The following DSCAML1 variants were observed in gnomAD, a reference collection of about 807,000 sequenced individuals.
DSCAML1 encodes cell adhesion molecule DSCAML1.
A neutral mutation model predicts 200.5 loss-of-function variants in DSCAML1; 38 were observed. That is an observed-to-expected ratio of 0.19 (90% confidence interval 0.15 to 0.25). The LOEUF (loss-of-function observed/expected upper bound fraction) is 0.25, where lower values mean the gene tolerates loss of function less well. DSCAML1 is among the 10% of genes least tolerant of loss of function. DSCAML1 has a pLI of 1.00. For synonymous variants in DSCAML1, 1,215 were observed against 1,165.0 expected (o/e 1.04, Z -0.87); for missense variants, 2,223 against 2,858.8 (o/e 0.78, Z 5.07).
At chr11:117,533,286 G>A (rs1021098739) in intron 3 of DSCAML1, among the ~76,000 whole-genome samples, 23 of 152,164 alleles carry the variant, frequency 1.5e-4, no homozygotes, top group African/African-American at 5.5e-4. Context: ...ACAACTGTTC[G>A]AGATGCTAAC....
intron 3 of DSCAML1, among the ~76,000 whole-genome samples, chr11:117,621,220 A>C (rs973897453): frequency 1.3e-5 from 2 of 152,344 alleles, no homozygotes; most frequent in East Asian, 3.9e-4. Context: ...CAGGCATGTT[A>C]CTTAAAATAT....
At position 117,498,763 on chromosome 11, in the gene DSCAML1, C is replaced by G. The variant is rs984551971; in HGVS notation, c.2359+5082G>C. 1.3e-5 allele frequency among the ~76,000 whole-genome samples: 2 copies of G among 152,182 alleles called. No homozygotes were observed. Among genetic ancestry groups the G allele is most frequent in the Non-Finnish European group, 2.9e-5 (2 of 68,028 alleles). ...CACGAGAGTTTGGCCCCAAGCTCCC[C>G]GCTCCTGATGTTGTGGCTGCGCAGC... is the stretch of plus-strand genomic sequence containing the variant. On this transcript the variant is annotated intron_variant, in intron 11 of 32. Transcript: ENST00000651296. This position sits in a 1 kb window ranked among gnomAD's most constrained non-coding sequence, Gnocchi z 4.0.
In DSCAML1 at chr11:117,498,526, C is replaced by T. The variant is rs1219149938; in HGVS notation, c.2359+5319G>A. The stretch of plus-strand genomic sequence containing the variant: ...GTGGAAGGGGTGGGGGCCCCAGTCC[C>T]CCAGGTCTCAGGGAGGTGCTGCTTC... On this transcript the variant is annotated intron_variant, in intron 11 of 32. Transcript: ENST00000651296. The surrounding 1 kb of genome is among the most constrained non-coding windows in gnomAD (Gnocchi z 4.0). 1.3e-5 allele frequency among the ~76,000 whole-genome samples: 2 copies of T among 152,296 alleles called. No homozygotes were observed. The highest frequency in any genetic ancestry group is 2.1e-4 in the South Asian group (1 of 4,820).
At chr11:117,582,852 T>C (rs1319156472) in intron 3 of DSCAML1, among the ~76,000 whole-genome samples, 1 of 152,022 alleles carries the variant, frequency 6.6e-6, no homozygotes, top group Admixed American at 6.6e-5. Context: ...GAAGCCTGAG[T>C]GGGAGAAACA....
intron 4 of DSCAML1, among the ~76,000 whole-genome samples, chr11:117,530,222 G>T (rs1391050451): frequency 6.6e-6 from 1 of 152,088 alleles, no homozygotes; most frequent in Non-Finnish European, 1.5e-5. Context: ...ATGGCCTCCA[G>T]TTCAAAGAAT....
chr11:117,620,974 G>A (rs931177511), intron 3 of DSCAML1, among the ~76,000 whole-genome samples: 2 of 152,196 alleles, frequency 1.3e-5, no homozygotes, highest in Non-Finnish European at 2.9e-5. Context: ...CTTAATACAC[G>A]ACAGTTCACT....
intron 3 of DSCAML1, among the ~76,000 whole-genome samples, chr11:117,765,383 C>A (rs957403110): frequency 2.6e-5 from 4 of 152,182 alleles, no homozygotes; most frequent in Admixed American, 6.5e-5. Flanking sequence ...TTAAGGGCGT[C>A]CCTGCCTCTC....
chr11:117,816,731 G>T (rs1454494981), intron 1 of DSCAML1, among the ~76,000 whole-genome samples: 7 of 151,218 alleles, frequency 4.6e-5, no homozygotes, highest in African/African-American at 1.5e-4. Context: ...AGCGCCAGTG[G>T]AGACGCTCAG....
Position 117,505,508 on chromosome 11 carries a change from T to C in DSCAML1, c.2008A>G (p.Ile670Val). ...ACGGTGGCGGCTGCGTTGCTGGCGA[T>C]GCATGTATAGTTGCCGTTGTGCTTG... is the stretch of plus-strand genomic sequence containing the variant. Reference protein sequence around the residue: ...SLKHNGNYTCIASNAAATVSR... With the variant: ...SLKHNGNYTCVASNAAATVSR... Residue 670 changes from isoleucine to valine, a missense_variant, in exon 9 of 33, where the codon ATC (isoleucine) becomes GTC (valine). By Grantham distance (29) the Ile-to-Val change is conservative. Transcript: ENST00000651296. This position sits in a 1 kb window ranked among gnomAD's most constrained non-coding sequence, Gnocchi z 6.7. The C allele has an allele frequency of 1.2e-6, 2 of 1,613,198 alleles. No homozygotes were observed. Among genetic ancestry groups the C allele is most frequent in the Non-Finnish European group, 1.7e-6 (2 of 1,179,994 alleles).
chr11:117,481,982 T>C lies in DSCAML1; in HGVS notation c.2540A>G (p.Glu847Gly), dbSNP rs1487415489. 1 of 1,614,092 alleles carries C rather than the reference T, an allele frequency of 6.2e-7. No homozygotes were observed. Among genetic ancestry groups the C allele is most frequent in the Non-Finnish European group, 8.5e-7 (1 of 1,179,998 alleles). The change falls in exon 12 of 33, where the codon GAG becomes GGG. Residue 847 changes from glutamate to glycine, a missense_variant. By Grantham distance (98) the Glu-to-Gly change is moderately conservative. Transcript: ENST00000651296. ...GCTCACCTTCAGTGTGGAGACGACCTCGTCGCCGTTGTCCTTGGTGGCGAT... is the reference window on the plus strand; with the variant it reads ...GCTCACCTTCAGTGTGGAGACGACCCCGTCGCCGTTGTCCTTGGTGGCGAT... Reference protein sequence around the residue: ...YAIATKDNGDEVVSTLKLKPA... With the variant: ...YAIATKDNGDGVVSTLKLKPA...
intron 2 of DSCAML1, among the ~76,000 whole-genome samples, chr11:117,779,507 A>T (rs148435108): frequency 2.6e-4 from 40 of 152,310 alleles, no homozygotes; most frequent in Admixed American, 5.9e-4. Context: ...GCCTTTTCTC[A>T]TGAGATATGT....
chr11:117,782,842 A>G (rs1441427027), intron 1 of DSCAML1, among the ~76,000 whole-genome samples: 1 of 152,156 alleles, frequency 6.6e-6, no homozygotes, highest in African/African-American at 2.4e-5. Context: ...GACAGGTACT[A>G]TTAGTATCCC....
rs778198275 is a variant in DSCAML1 at position 117,465,113 on chromosome 11, C to T, written c.3094G>A (p.Gly1032Ser). 3.0e-5 allele frequency: 48 copies of T among 1,613,956 alleles called. No homozygotes were observed. Among genetic ancestry groups the T allele is most frequent in the Admixed American group, 5.0e-5 (3 of 59,988 alleles). ...ACGATGCTGTACTGCCCGTTGCTGC[C>T]GGGGCTGTTCTCTCTGTAGCCAATC... The part of the protein sequence containing the change: ...YQIGYRENSP[G>S]SNGQYSIVEM... The change falls in exon 17 of 33, where the codon GGC becomes AGC. Residue 1032 changes from glycine to serine, a missense_variant. By Grantham distance (56) the Gly-to-Ser change is moderately conservative (BLOSUM62 0). Around this residue, in one of 7 missense-constraint regions of DSCAML1, gnomAD observed 438 missense variants for 629.7 expected, o/e 0.70. Coordinates refer to ENST00000651296, the MANE Select transcript of DSCAML1 (RefSeq NM_020693.4).
intron 3 of DSCAML1, among the ~76,000 whole-genome samples, chr11:117,730,738 C>T (rs975583369): frequency 1.3e-5 from 2 of 152,188 alleles, no homozygotes; most frequent in African/African-American, 4.8e-5. Context: ...TACACCCGCA[C>T]CAACATTTGT....
At chr11:117,471,174 C>A (rs1224370006) in intron 15 of DSCAML1, among the ~76,000 whole-genome samples, 1 of 149,770 alleles carries the variant, frequency 6.7e-6, no homozygotes, top group Non-Finnish European at 1.5e-5. Context: ...TATTTTTCTG[C>A]ATTTTTTTTT....
intron 3 of DSCAML1, among the ~76,000 whole-genome samples, chr11:117,761,901 A>G (rs1308983208): frequency 1.3e-5 from 2 of 152,206 alleles, no homozygotes; most frequent in Non-Finnish European, 2.9e-5. Flanking sequence ...AGTGGGGATG[A>G]TAACAGTTCC....
chr11:117,640,374 AT>A (rs770888182), intron 3 of DSCAML1, among the ~76,000 whole-genome samples: 3 of 152,158 alleles, frequency 2.0e-5, no homozygotes, highest in Non-Finnish European at 4.4e-5. Context: ...CCTTAGGAAA[AT>A]CTAAGGAAGG....
At chr11:117,629,910 G>A (rs1248108322) in intron 3 of DSCAML1, among the ~76,000 whole-genome samples, 1 of 152,210 alleles carries the variant, frequency 6.6e-6, no homozygotes, top group East Asian at 1.9e-4. Flanking sequence ...TGAGGCAGGA[G>A]TTCAGGGTTG....
At chr11:117,442,559 C>A (rs1253597064) in intron 21 of DSCAML1, among the ~76,000 whole-genome samples, 1 of 152,024 alleles carries the variant, frequency 6.6e-6, no homozygotes, top group Non-Finnish European at 1.5e-5. Flanking sequence ...GGTTGTCTTT[C>A]CCACCTCACA....
Sources: allele counts gnomAD v4.1 joint callset (sites outside exome capture counted in the v4.1 genomes callset), GRCh38; gene constraint gnomAD v4.1.1; regional missense constraint gnomAD v4.1.1; non-coding constraint Gnocchi (gnomAD v3.1); transcripts MANE v1.5; gene names NCBI Gene and HGNC (gene_info 2026-07-23, HGNC 2026-07-21).